Variants in PLXDC2 observed in about 807,000 individuals in gnomAD.
PLXDC2 encodes the protein plexin domain-containing protein 2.
In PLXDC2, 40 loss-of-function variants were observed where a neutral mutation model predicts 68.9. The observed-to-expected ratio is 0.58, with a 90% confidence interval of 0.45 to 0.76. The LOEUF is 0.76. PLXDC2 is among the 30% of genes least tolerant of loss of function. PLXDC2 has a pLI of 0.00. For synonymous variants in PLXDC2, 243 were observed against 234.2 expected, an observed-to-expected ratio of 1.04 and a Z score of -0.34; for missense variants, 644 against 661.9, an observed-to-expected ratio of 0.97 and a Z score of 0.30.
intron 1 of PLXDC2, among the ~76,000 whole-genome samples, chr10:19,997,300 A>G (rs1399241491): frequency 6.6e-6 from 1 of 152,248 alleles, no homozygotes; most frequent in Non-Finnish European, 1.5e-5. Context: ...ATGCAAAGAC[A>G]TATGGCATTC....
chr10:19,841,568 A>C (rs1044527990), intron 1 of PLXDC2, among the ~76,000 whole-genome samples: 1 of 133,252 alleles, frequency 7.5e-6, no homozygotes, highest in Non-Finnish European at 1.6e-5. Flanking sequence ...AGTGTTGCCT[A>C]TCTGTCTATC....
intron 1 of PLXDC2, among the ~76,000 whole-genome samples, chr10:19,976,210 T>C (rs1834452364): frequency 6.6e-6 from 1 of 152,008 alleles, no homozygotes; most frequent in Non-Finnish European, 1.5e-5. Context: ...TTGTTTGTTT[T>C]TTTGTTTTGT....
At chr10:19,883,288 GC>G (rs1369927678) in intron 1 of PLXDC2, among the ~76,000 whole-genome samples, 1 of 137,668 alleles carries the variant, frequency 7.3e-6, no homozygotes, top group Non-Finnish European at 1.6e-5. Flanking sequence ...AAACAAAATT[GC>G]AAGTTAAAAG....
intron 9 of PLXDC2, among the ~76,000 whole-genome samples, chr10:20,191,994 A>G (rs540122928): frequency 9.2e-5 from 14 of 152,006 alleles, no homozygotes; most frequent in Admixed American, 3.3e-4. Flanking sequence ...ACTGAAGTCT[A>G]TTAATTATTT....
chr10:19,854,277 G>A (rs1837174137), intron 1 of PLXDC2, among the ~76,000 whole-genome samples: 2 of 152,184 alleles, frequency 1.3e-5, no homozygotes, highest in South Asian at 4.1e-4. Flanking sequence ...TGAAATGATA[G>A]CATCTTAAAA....
chr10:20,250,737 G>A (rs1477225780), intron 13 of PLXDC2, among the ~76,000 whole-genome samples: 1 of 152,126 alleles, frequency 6.6e-6, no homozygotes, highest in Non-Finnish European at 1.5e-5. Flanking sequence ...TTATGTCCTT[G>A]GAACAGATTT....
chr10:20,267,112 G>T lies in PLXDC2; in HGVS notation c.1474-12591G>T, dbSNP rs531023574. On this transcript the variant is annotated intron_variant, in intron 13 of 13. Coordinates refer to ENST00000377252, the MANE Select transcript of PLXDC2 (RefSeq NM_032812.9). ...TTAAATTACAACATTGATTTGATGT[G>T]CTCAGACATTTTTATACAAATCTTA... is the stretch of plus-strand genomic sequence containing the variant. Among the ~76,000 whole-genome samples, 4 of 152,236 alleles carry T rather than the reference G, an allele frequency of 2.6e-5. No homozygotes were observed. In the South Asian group the frequency reaches 8.3e-4, roughly 32 times the overall value.
intron 1 of PLXDC2, among the ~76,000 whole-genome samples, chr10:19,928,118 A>G (rs994413751): frequency 1.3e-5 from 2 of 152,218 alleles, no homozygotes; most frequent in Non-Finnish European, 2.9e-5. Flanking sequence ...TGCAAAAGAC[A>G]TTATTTCTAT....
At chr10:20,124,674 T>C (rs895319920) in intron 4 of PLXDC2, among the ~76,000 whole-genome samples, 5 of 141,252 alleles carry the variant, frequency 3.5e-5, no homozygotes, top group African/African-American at 1.1e-4. Context: ...TTATAGGATT[T>C]GGATAGGTGA....
chr10:20,214,046 T>C (rs888828547), intron 10 of PLXDC2, among the ~76,000 whole-genome samples: 1 of 152,196 alleles, frequency 6.6e-6, no homozygotes, highest in Non-Finnish European at 1.5e-5. Context: ...ATCTACTCAC[T>C]GAAGTAGAAA....
intron 1 of PLXDC2, among the ~76,000 whole-genome samples, chr10:19,859,810 C>G (rs1837286037): frequency 6.6e-6 from 1 of 152,190 alleles, no homozygotes; most frequent in Non-Finnish European, 1.5e-5. Context: ...CAGCTTACTG[C>G]AAACTTCCTC....
At chr10:20,176,824 TG>T (rs1463595200) in intron 7 of PLXDC2, among the ~76,000 whole-genome samples, 174 bp from the exon 8 acceptor site, 4 of 152,296 alleles carry the variant, frequency 2.6e-5, no homozygotes, top group African/African-American at 9.6e-5. Context: ...AAAAGACTTC[TG>T]GTTACTTGAC....
Position 20,238,677 on chromosome 10 carries a change from G to GTATATATATATATATATATATA in PLXDC2, c.1313-6652_1313-6651insTATATATATATATATATATATA, listed in dbSNP as rs10633613. 7.2e-3 allele frequency among the ~76,000 whole-genome samples: 544 copies of GTATATATATATATATATATATA among 75,700 alleles called. 12 individuals are homozygous for GTATATATATATATATATATATA. Among genetic ancestry groups the GTATATATATATATATATATATA allele is most frequent in the Non-Finnish European group, 8.3e-3 (293 of 35,298 alleles). 49.7% of individuals were successfully genotyped at this position (75,700 alleles called of 152,430 possible). A position where few individuals can be genotyped will look rare whatever the true frequency, so the allele number is the denominator to read the frequency against. ...TCTCAAAAAAAATATATATATATAT[G>GTATATATATATATATATATATA]TATATATATATATATACACACATAT... is the stretch of plus-strand genomic sequence containing the variant. On this transcript the variant is annotated intron_variant, in intron 12 of 13. Transcript: ENST00000377252.
intron 1 of PLXDC2, among the ~76,000 whole-genome samples, chr10:19,886,714 C>G (rs977139796): frequency 1.6e-4 from 24 of 152,232 alleles, no homozygotes; most frequent in Middle Eastern, 6.8e-3. Context: ...AAAACTGGCA[C>G]AAGACAGGGA....
At chr10:20,006,158 A>C (rs1835025624) in intron 2 of PLXDC2, among the ~76,000 whole-genome samples, 1 of 152,106 alleles carries the variant, frequency 6.6e-6, no homozygotes, top group African/African-American at 2.4e-5. Flanking sequence ...CAACCTGGGC[A>C]ACAGAGCGAG....
At chr10:20,056,006 G>A (rs1400203411) in intron 3 of PLXDC2, among the ~76,000 whole-genome samples, 1 of 152,042 alleles carries the variant, frequency 6.6e-6, no homozygotes, top group African/African-American at 2.4e-5. Flanking sequence ...GGATTCAAAA[G>A]CATAGGATTT....
At chr10:20,131,779 C>G (rs2131776909) in intron 4 of PLXDC2, among the ~76,000 whole-genome samples, 1 of 152,194 alleles carries the variant, frequency 6.6e-6, no homozygotes, top group East Asian at 1.9e-4. Context: ...AAACCCAACT[C>G]CTAGTTTCAT....
At chr10:20,243,705 A>C (rs999828763) in intron 12 of PLXDC2, among the ~76,000 whole-genome samples, 4 of 114,102 alleles carry the variant, frequency 3.5e-5, no homozygotes, top group African/African-American at 5.3e-5. Context: ...AGTTTAATAG[A>C]CAAAAAAAGC....
chr10:20,143,113 T>G (rs932961166), intron 4 of PLXDC2, among the ~76,000 whole-genome samples, 182 bp from the exon 5 acceptor site: 11 of 152,084 alleles, frequency 7.2e-5, no homozygotes, highest in Admixed American at 6.5e-4. Context: ...TACAAGAATT[T>G]GTTACTTAAT....
Sources: gnomAD v4.1 joint callset for allele counts (sites outside exome capture counted in the v4.1 genomes callset) on GRCh38, gnomAD v4.1.1 for gene constraint, MANE v1.5 for transcripts, NCBI Gene and HGNC (gene_info 2026-07-23, HGNC 2026-07-21) for gene names.